The following LRRC59 variants were observed in gnomAD, a reference collection of about 807,000 sequenced individuals.
LRRC59 encodes leucine rich repeat containing 59, also known as leucine-rich repeat-containing protein 59.
Under a neutral mutation model 33.5 loss-of-function variants are expected in LRRC59, and 18 were observed. The ratio of observed to expected loss-of-function variants is 0.54; its 90% CI spans 0.37 to 0.80. The LOEUF is 0.80. LRRC59 is among the 30% of genes least tolerant of loss of function. The probability of loss-of-function intolerance (pLI) is 0.00; values close to 1 mark genes in which losing one functional copy is unlikely to be tolerated. For synonymous variants in LRRC59, 138 were observed against 160.0 expected (o/e 0.86, Z 1.04); for missense variants, 330 against 391.9 (o/e 0.84, Z 1.33).
Position 50,397,269 on chromosome 17 carries a change from C to T in LRRC59, c.49G>A (p.Gly17Ser). The T allele has an allele frequency of 1.2e-6, 2 of 1,609,908 alleles. No homozygotes were observed. Among genetic ancestry groups the T allele is most frequent in the South Asian group, 1.1e-5 (1 of 90,342 alleles). The change falls in exon 1 of 7, where the codon GGC becomes AGC. Residue 17 changes from glycine to serine, a missense_variant. Gly to Ser is a moderately conservative substitution (Grantham distance 56). Coordinates refer to ENST00000225972, the MANE Select transcript of LRRC59 (RefSeq NM_018509.4). ...KGGNLRDKLD[G>S]NELDLSLSDL... is the part of the protein sequence containing the mutation. ...CTGAGGCTCAGGTCCAGTTCGTTGC[C>T]GTCCAGCTTGTCGCGGAGGTTCCCG...
chr17:50,389,674 C>T (rs1233111873), intron 4 of LRRC59, among the ~76,000 whole-genome samples: 5 of 152,138 alleles, frequency 3.3e-5, no homozygotes, highest in African/African-American at 9.7e-5. Context: ...TGCATGCGCA[C>T]GAGACAGACA....
chr17:50,387,146 A>T (rs1419532922), intron 5 of LRRC59, among the ~76,000 whole-genome samples: 1 of 151,958 alleles, frequency 6.6e-6, no homozygotes, highest in East Asian at 1.9e-4. Context: ...AAACTAGCAG[A>T]GGGTATGACA....
chr17:50,388,849 T>C (rs546904688), intron 4 of LRRC59, among the ~76,000 whole-genome samples: 7 of 152,272 alleles, frequency 4.6e-5, no homozygotes, highest in African/African-American at 1.7e-4. Context: ...TCCTGTGGAA[T>C]TCAACACAGG....
chr17:50,395,459 G>A (rs916242510), intron 1 of LRRC59, among the ~76,000 whole-genome samples: 9 of 152,002 alleles, frequency 5.9e-5, no homozygotes, highest in Non-Finnish European at 8.8e-5. Context: ...ATTACCCAGC[G>A]TCCCTCTTAT....
intron 2 of LRRC59, among the ~76,000 whole-genome samples, chr17:50,393,466 C>G (rs1914198359): frequency 6.6e-6 from 1 of 152,190 alleles, no homozygotes; most frequent in Non-Finnish European, 1.5e-5. Context: ...TCAGGCACTC[C>G]TGGAGTACTC....
chr17:50,386,916 T>A (rs1914018061), intron 5 of LRRC59, among the ~76,000 whole-genome samples: 1 of 152,226 alleles, frequency 6.6e-6, no homozygotes, highest in Admixed American at 6.5e-5. Flanking sequence ...TATCATTTAC[T>A]TTCTAGAGAA....
chr17:50,397,477 G>A lies in LRRC59; in HGVS notation c.-160C>T. On this transcript the variant is annotated 5_prime_UTR_variant, in exon 1 of 7. Transcript: ENST00000225972. Reference sequence around the variant, plus strand: ...CCTCCGCCCGCTGGCCGCACTCCGAGCCTCGCGCCTAGCTCCCACCGGTGC... The same window carrying A: ...CCTCCGCCCGCTGGCCGCACTCCGAACCTCGCGCCTAGCTCCCACCGGTGC... 1.9e-6 allele frequency: 1 copy of A among 528,112 alleles called. No individual in the cohort carries two copies. The highest frequency in any genetic ancestry group is 2.0e-5 in the African/African-American group (1 of 49,682). 32.7% of individuals were successfully genotyped at this position (528,112 alleles called of 1,614,324 possible). A position where few individuals can be genotyped will look rare whatever the true frequency, so the allele number is the denominator to read the frequency against.
At position 50,385,152 on chromosome 17, in the gene LRRC59, C is replaced by A; in HGVS notation, c.642G>T (p.Glu214Asp). ...DALKAAKREQ[E>D]KKPKKEANQA... ...GATTTGCTTCCTTCTTAGGTTTCTT[C>A]TCCTGCTCCCGCTTGGCTGCTTTGA... Residue 214 changes from glutamate (E) to aspartate (D), a missense_variant, in exon 6 of 7, where the codon GAG becomes GAT. Transcript: ENST00000225972. 1 of 1,614,122 alleles carries A rather than the reference C, an allele frequency of 6.2e-7. No individual in the cohort carries two copies. Among genetic ancestry groups the A allele is most frequent in the Non-Finnish European group, 8.5e-7 (1 of 1,180,034 alleles).
At chr17:50,396,901 TCAGAGTCGGGCA>T (rs1322270464) in intron 1 of LRRC59, 1 of 394,168 alleles carries the variant, frequency 2.5e-6, no homozygotes, top group Non-Finnish European at 4.5e-6. Context: ...GTGCTCCTAC[TCAGAGTCGGGCA>T]CGGAGGTGGG....
In LRRC59 at chr17:50,383,118, G is replaced by A; in HGVS notation, c.794C>T (p.Ala265Val). The A allele has an allele frequency of 1.9e-6, 3 of 1,566,362 alleles. No individual in the cohort carries two copies. The highest frequency in any genetic ancestry group is 1.2e-5 in the South Asian group (1 of 85,676). ...LLFGVAGGLV[A>V]CRVTELQQQP... Reference sequence around the variant, plus strand: ...CTGCTGCAGCTCTGTCACCCGACAAGCAACCAGCCCTCCCGCCACACCAAA... The same window carrying A: ...CTGCTGCAGCTCTGTCACCCGACAAACAACCAGCCCTCCCGCCACACCAAA... Residue 265 changes from alanine (A) to valine (V), a missense_variant, in exon 7 of 7, where the codon GCT becomes GTT. Coordinates refer to ENST00000225972, the MANE Select transcript of LRRC59 (RefSeq NM_018509.4).
intron 4 of LRRC59, among the ~76,000 whole-genome samples, chr17:50,391,362 ACT>A (rs1384627994): frequency 1.3e-5 from 2 of 152,148 alleles, no homozygotes; most frequent in African/African-American, 2.4e-5. Context: ...GAAGTATCTT[ACT>A]CTCTTACTCT....
At chr17:50,388,520 G>A (rs1334040653) in intron 4 of LRRC59, among the ~76,000 whole-genome samples, 1 of 152,100 alleles carries the variant, frequency 6.6e-6, no homozygotes, top group Non-Finnish European at 1.5e-5. Context: ...CAGTCTGGGT[G>A]AAGACTGAGA....
rs10678291 is a variant in LRRC59, at chr17:50,387,128, T to TAA, written c.502+930_502+931dup. Among the ~76,000 whole-genome samples the TAA allele has an allele frequency of 7.2e-3, 1,084 of 150,146 alleles. 15 individuals carry two copies. The highest frequency in any genetic ancestry group is 0.024 in the African/African-American group (981 of 40,846). ...GCGAGACTCTGTCTCAAAAAATAAT[T>TAA]AAAAAAAAAACTAGCAGAGGGTATG... On this transcript the variant is annotated intron_variant, in intron 5 of 6. Coordinates refer to ENST00000225972, the MANE Select transcript of LRRC59 (RefSeq NM_018509.4).
rs373435154 is a variant in LRRC59 at position 50,390,079 on chromosome 17, T to C, written c.430-1947A>G. ...CGCCACTGCACTCCAGCCTGGACGA[T>C]AGAGCGTGACTCTGTCTCAAAAAAA... On this transcript the variant is annotated intron_variant, in intron 4 of 6. Coordinates refer to ENST00000225972, the MANE Select transcript of LRRC59 (RefSeq NM_018509.4). 5.6e-4 allele frequency among the ~76,000 whole-genome samples: 69 copies of C among 122,696 alleles called. No individual in the cohort carries two copies. In the East Asian group the frequency reaches 0.014, roughly 25 times the overall value. The allele number at this position is 122,696 out of a possible 152,430, so 80.5% of individuals were successfully genotyped here.
Position 50,382,929 on chromosome 17 carries a change from C to T in LRRC59, c.*59G>A. 6.3e-7 allele frequency: 1 copy of T among 1,582,928 alleles called. No homozygotes were observed. Among genetic ancestry groups the T allele is most frequent in the Non-Finnish European group, 8.6e-7 (1 of 1,163,256 alleles). ...TAAAAAGAGGTTGTGTCCAGCAGAA[C>T]CCAATTCCATAGGAATCCAAACTCC... On this transcript the variant is annotated 3_prime_UTR_variant, in exon 7 of 7. Transcript: ENST00000225972.
rs201086387 is a variant in LRRC59 at position 50,392,689 on chromosome 17, C to T, written c.324+50G>A. The T allele has an allele frequency of 2.4e-5, 38 of 1,603,702 alleles. No homozygotes were observed. The East Asian group carries it at 7.6e-4, about 32-fold the overall frequency. On this transcript the variant is annotated intron_variant, in intron 3 of 6. Coordinates refer to ENST00000225972, the MANE Select transcript of LRRC59 (RefSeq NM_018509.4). ...TTCTCAGGGCCGTGCTCCAGAGTCC[C>T]TGAGTTCTCTGCCACCCTGGCCATG...
chr17:50,395,329 C>A (rs549782671), intron 1 of LRRC59, among the ~76,000 whole-genome samples: 171 of 146,560 alleles, frequency 1.2e-3, no homozygotes, highest in Non-Finnish European at 2.2e-3. Context: ...TTGAGGCCGG[C>A]CTGCACAACA....
At chr17:50,394,880 A>G in intron 2 of LRRC59, 49 bp downstream of exon 2, 9 of 1,049,642 alleles carry the variant, frequency 8.6e-6, no homozygotes, top group Middle Eastern at 2.2e-4. Flanking sequence ...AACAGGAAGG[A>G]GATGCATCCA....
chr17:50,392,551 A>G (rs1307306794), intron 3 of LRRC59, 49 bp from the exon 4 acceptor site: 1 of 1,521,682 alleles, frequency 6.6e-7, no homozygotes, highest in Admixed American at 1.7e-5. Flanking sequence ...CCGAGTTCAC[A>G]TACATAGTCC....
Sources: gnomAD v4.1 joint callset for allele counts (sites outside exome capture counted in the v4.1 genomes callset) on GRCh38, gnomAD v4.1.1 for gene constraint, MANE v1.5 for transcripts, NCBI Gene and HGNC (gene_info 2026-07-23, HGNC 2026-07-21) for gene names.